The following PARP1 variants were observed in gnomAD, a reference collection of about 807,000 sequenced individuals.
PARP1 encodes poly(ADP-ribose) polymerase 1.
In PARP1, 44 loss-of-function variants were observed where a neutral mutation model predicts 118.7. The ratio of observed to expected loss-of-function variants is 0.37; its 90% CI spans 0.29 to 0.48. PARP1 has a LOEUF of 0.48. Among genes scored for constraint, PARP1 ranks in the 20% least tolerant of loss-of-function variants. The probability of loss-of-function intolerance (pLI) is 0.99; values close to 1 mark genes in which losing one functional copy is unlikely to be tolerated. For synonymous variants in PARP1, 492 were observed against 483.2 expected (o/e 1.02, Z -0.24); for missense variants, 1,100 against 1,272.4 (o/e 0.86, Z 2.06).
At chr1:226,377,339 T>C (rs1321440066) in intron 12 of PARP1, 36 bp from the exon 13 acceptor site, 1 of 1,533,916 alleles carries the variant, frequency 6.5e-7, no homozygotes, top group East Asian at 2.2e-5. Context: ...TACACATGTG[T>C]GGGTCAGCTG....
rs1576389834 is a variant in PARP1, at chr1:226,363,987, G to A, written c.2742C>T (p.Asp914=). The change falls in exon 20 of 23, where the codon GAC becomes GAT. Residue 914 remains aspartate, a synonymous_variant. Transcript: ENST00000366794. ...CTCCCAACAGGATTAAGCCTATTGG[G>A]TCTCCCTGAGACGTATGGCAGTAGT... ...SANYCHTSQG[D]PIGLILLGEV... is the part of the protein sequence containing the mutation. The A allele has an allele frequency of 6.2e-7, 1 of 1,614,040 alleles. No homozygotes were observed. Among genetic ancestry groups the A allele is most frequent in the Non-Finnish European group, 8.5e-7 (1 of 1,179,934 alleles).
chr1:226,379,868 G>A (rs1407608695), intron 10 of PARP1, 54 bp downstream of exon 10: 2 of 1,611,462 alleles, frequency 1.2e-6, no homozygotes, highest in Non-Finnish European at 1.7e-6. Flanking sequence ...ACAACAACCT[G>A]GCCACCAATG....
chr1:226,379,639 T>C lies in PARP1; in HGVS notation c.1546A>G (p.Ile516Val). 1 of 1,606,386 alleles carries C rather than the reference T, an allele frequency of 6.2e-7. No homozygotes were observed. Among genetic ancestry groups the C allele is most frequent in the Non-Finnish European group, 8.5e-7 (1 of 1,174,152 alleles). ...KSKGQVKEEGINKSEKRMKLT... is the reference protein window; with the variant it reads ...KSKGQVKEEGVNKSEKRMKLT... Reference sequence around the variant, plus strand: ...TTCATTCTCTTTTCAGATTTGTTGATACCTTGGAGGAGAACAGAAAAATGT... The same window carrying C: ...TTCATTCTCTTTTCAGATTTGTTGACACCTTGGAGGAGAACAGAAAAATGT... The change falls in exon 11 of 23, where the codon ATC becomes GTC. Residue 516 changes from isoleucine to valine, a missense_variant and splice_region_variant. Transcript: ENST00000366794.
chr1:226,374,222 T>C lies in PARP1; in HGVS notation c.2070+4A>G, dbSNP rs1664448027. On this transcript the variant is annotated splice_donor_region_variant and intron_variant, in intron 14 of 22. Transcript: ENST00000366794. ...TCACAGATAAAATGATAAAGCGCAATAACCTCATACTCCACCATGGCTTTC... is the reference window on the plus strand; with the variant it reads ...TCACAGATAAAATGATAAAGCGCAACAACCTCATACTCCACCATGGCTTTC... 4 of 1,613,670 alleles carry C rather than the reference T, an allele frequency of 2.5e-6. No individual in the cohort carries two copies.
intron 8 of PARP1, among the ~76,000 whole-genome samples, chr1:226,382,460 T>C (rs538999542): frequency 6.6e-6 from 1 of 152,330 alleles, no homozygotes; most frequent in Non-Finnish European, 1.5e-5. Flanking sequence ...GGTAAGGCTG[T>C]CGACCTAGCC....
At chr1:226,380,953 T>C in intron 9 of PARP1, 115 bp downstream of exon 9, 2 of 1,148,446 alleles carry the variant, frequency 1.7e-6, no homozygotes, top group Non-Finnish European at 1.3e-6. Context: ...ACAGCGATGA[T>C]GATGTTAAGA....
At chr1:226,366,178 G>A (rs1030122688) in intron 17 of PARP1, 126 bp from the exon 18 acceptor site, 5 of 721,338 alleles carry the variant, frequency 6.9e-6, no homozygotes, top group Non-Finnish European at 1.2e-5. Flanking sequence ...GCATGACCGA[G>A]AGCCTGTGTC....
intron 15 of PARP1, 117 bp downstream of exon 15, chr1:226,370,317 G>A: frequency 1.2e-6 from 1 of 812,426 alleles, no homozygotes; most frequent in South Asian, 1.3e-5. Flanking sequence ...GTGAAGTGCA[G>A]TTCAGTACTT....
chr1:226,399,015 G>T (rs1261135726), intron 2 of PARP1, among the ~76,000 whole-genome samples: 2 of 150,382 alleles, frequency 1.3e-5, no homozygotes, highest in African/African-American at 4.9e-5. Context: ...CCAGACAATG[G>T]AATATTATTC....
At chr1:226,367,373 CTG>C in intron 17 of PARP1, 105 bp downstream of exon 17, 1 of 1,347,280 alleles carries the variant, frequency 7.4e-7, no homozygotes, top group Non-Finnish European at 1.1e-6. Flanking sequence ...CGCCAGCCAC[CTG>C]TGTTTTAACA....
At chr1:226,401,876 T>C (rs1558243748) in intron 2 of PARP1, 3 of 927,682 alleles carry the variant, frequency 3.2e-6, no homozygotes, top group South Asian at 3.8e-5. Flanking sequence ...GTGGGAGGTG[T>C]TGACAAGGAA....
intron 11 of PARP1, 46 bp downstream of exon 11, chr1:226,379,527 T>C (rs560831449): frequency 6.7e-7 from 1 of 1,485,466 alleles, no homozygotes; most frequent in Non-Finnish European, 9.4e-7. Context: ...CAGCTGGGGG[T>C]TGGGGGGCGG....
chr1:226,389,722 G>A (rs896413678), intron 4 of PARP1, among the ~76,000 whole-genome samples: 1 of 152,166 alleles, frequency 6.6e-6, no homozygotes, highest in South Asian at 2.1e-4. Context: ...GTTATGAACT[G>A]AGATAATGTG....
chr1:226,369,334 C>T (rs1186624298), intron 15 of PARP1, among the ~76,000 whole-genome samples: 5 of 152,212 alleles, frequency 3.3e-5, no homozygotes, highest in African/African-American at 1.2e-4. Context: ...GGCCTGCACC[C>T]ACCCACAAAT....
At chr1:226,361,704 C>T in intron 22 of PARP1, 163 bp from the exon 23 acceptor site, 1 of 693,028 alleles carries the variant, frequency 1.4e-6, no homozygotes. Flanking sequence ...TGGCAGGATG[C>T]TCAATGCCAG....
At chr1:226,393,418 T>C (rs1664856273) in intron 2 of PARP1, among the ~76,000 whole-genome samples, 1 of 152,160 alleles carries the variant, frequency 6.6e-6, no homozygotes, top group Non-Finnish European at 1.5e-5. Context: ...GAGATGCCAA[T>C]CAAATTCCTA....
At position 226,383,613 on chromosome 1, in the gene PARP1, C is replaced by T. The variant is rs559799537; in HGVS notation, c.1012-430G>A. 1.9e-4 allele frequency among the ~76,000 whole-genome samples: 29 copies of T among 152,310 alleles called. 2 individuals carry two copies. In the East Asian group the frequency reaches 5.6e-3, roughly 29 times the overall value. ...ACTCCAAGACCCCGAATACTATATA[C>T]ACACTGGGAGATTATTACCCAAAAG... On this transcript the variant is annotated intron_variant, in intron 7 of 22. Transcript: ENST00000366794.
intron 18 of PARP1, among the ~76,000 whole-genome samples, chr1:226,365,694 G>A (rs1244132819): frequency 6.6e-6 from 1 of 151,512 alleles, no homozygotes; most frequent in African/African-American, 2.4e-5. Flanking sequence ...TTGAACCCAG[G>A]AGGCAGAGGC....
intron 8 of PARP1, 93 bp downstream of exon 8, chr1:226,382,943 G>A (rs1303172321): frequency 4.3e-6 from 6 of 1,408,822 alleles, no homozygotes; most frequent in African/African-American, 2.8e-5. Flanking sequence ...GACCCTTGAC[G>A]GATACTTTCT....
Sources: allele counts gnomAD v4.1 joint callset (sites outside exome capture counted in the v4.1 genomes callset), GRCh38; gene constraint gnomAD v4.1.1; transcripts MANE v1.5; gene names NCBI Gene and HGNC (gene_info 2026-07-23, HGNC 2026-07-21).